VPS13D: variants seen among roughly 807,000 people sequenced by gnomAD.
VPS13D encodes the protein intermembrane lipid transfer protein VPS13D.
VPS13D carries 187 observed loss-of-function variants against 461.9 expected under a neutral mutation model. The observed-to-expected ratio is 0.40, with a 90% CI of 0.36 to 0.46. VPS13D has a LOEUF of 0.46. Among genes scored for constraint, VPS13D ranks in the 20% least tolerant of loss-of-function variants. The pLI is 0.60. For missense variants in VPS13D, 4,711 were observed against 5,364.9 expected (o/e 0.88, Z 3.81); for synonymous variants, 1,951 against 1,986.3 (o/e 0.98, Z 0.47).
rs1157134078 is a variant in VPS13D at position 12,293,630 on chromosome 1, G to T, written c.5959G>T (p.Val1987Leu). ...TACTCAGCGTTTCCAGGCAGAGGTG[G>T]TGGCCTTCATTCAGCATTTCACTCA... Reference protein sequence around the residue: ...VHTQRFQAEVVAFIQHFTQLQ... With the variant: ...VHTQRFQAEVLAFIQHFTQLQ... The change falls in exon 24 of 70, where the codon GTG becomes TTG. Residue 1987 changes from valine (V) to leucine (L), a missense_variant. This residue lies in a region of VPS13D where 4,411 missense variants were observed against 4,937.8 expected (regional missense o/e 0.89). Coordinates refer to ENST00000620676, the MANE Select transcript of VPS13D (RefSeq NM_015378.4). 5.0e-6 allele frequency: 8 copies of T among 1,614,194 alleles called. No homozygotes were observed. In the East Asian group the frequency reaches 1.8e-4, roughly 36 times the overall value.
chr1:12,379,154 G>A (rs1644239841), intron 56 of VPS13D, among the ~76,000 whole-genome samples: 1 of 152,184 alleles, frequency 6.6e-6, no homozygotes, highest in South Asian at 2.1e-4. Context: ...AAAAAAGACT[G>A]TTGGAAAGAT....
At position 12,323,693 on chromosome 1, in the gene VPS13D, A is replaced by G; in HGVS notation, c.7916-13A>G. 6.2e-7 allele frequency: 1 copy of G among 1,610,742 alleles called. No individual in the cohort carries two copies. The highest frequency in any genetic ancestry group is 8.5e-7 in the Non-Finnish European group (1 of 1,177,944). Reference sequence around the variant, plus strand: ...AAATTATTTATGAAAATTTTATGCTATTTGTTTCCTAGAGTTACAGCTGGC... The same window carrying G: ...AAATTATTTATGAAAATTTTATGCTGTTTGTTTCCTAGAGTTACAGCTGGC... On this transcript the variant is annotated splice_polypyrimidine_tract_variant and intron_variant, in intron 34 of 69. Transcript: ENST00000620676.
At chr1:12,238,375 C>T (rs1419556922) in intron 2 of VPS13D, among the ~76,000 whole-genome samples, 1 of 151,598 alleles carries the variant, frequency 6.6e-6, no homozygotes, top group East Asian at 1.9e-4. Context: ...GAGTTTGAGG[C>T]TGCAGTGAGC....
In VPS13D at chr1:12,278,075, T is replaced by C. The variant is rs771906879; in HGVS notation, c.4450+37T>C. 3.1e-5 allele frequency: 49 copies of C among 1,556,242 alleles called. No homozygotes were observed. In the Admixed American group the frequency reaches 4.0e-4, roughly 13 times the overall value. ...CAGTCTTTTGTTCTATTTTGTTTAA[T>C]GATTGAAAACCCAGCTCACGGAGTC... On this transcript the variant is annotated intron_variant, in intron 19 of 69. Transcript: ENST00000620676.
chr1:12,318,560 T>G (rs866031356), intron 31 of VPS13D, among the ~76,000 whole-genome samples: 2 of 152,200 alleles, frequency 1.3e-5, no homozygotes, highest in African/African-American at 4.8e-5. Context: ...GTCCCCTGCC[T>G]GCCTAGTGCT....
rs968530885 is a variant in VPS13D, at chr1:12,346,533, T to C, written c.9022-72T>C. 4.6e-6 allele frequency: 7 copies of C among 1,508,942 alleles called. No homozygotes were observed. In the African/African-American group the frequency reaches 9.8e-5, roughly 21 times the overall value. The allele number at this position is 1,508,942 out of a possible 1,614,324, so 93.5% of individuals were successfully genotyped here. Reference sequence around the variant, plus strand: ...AAACACGACCCTTTGAAGAAAATTATGTTGTCATTGAATTTAACGTTGCTA... The same window carrying C: ...AAACACGACCCTTTGAAGAAAATTACGTTGTCATTGAATTTAACGTTGCTA... On this transcript the variant is annotated intron_variant, in intron 43 of 69. Transcript: ENST00000620676.
chr1:12,334,766 A>G (rs1288075607), intron 38 of VPS13D, among the ~76,000 whole-genome samples: 2 of 152,214 alleles, frequency 1.3e-5, no homozygotes, highest in Non-Finnish European at 2.9e-5. Flanking sequence ...CCCTGTCTCT[A>G]AGAAACCAAC....
chr1:12,292,013 C>T (rs997711756), intron 23 of VPS13D, among the ~76,000 whole-genome samples: 1 of 152,200 alleles, frequency 6.6e-6, no homozygotes, highest in Admixed American at 6.5e-5. Flanking sequence ...AATCCCAGCA[C>T]TCTGGGAGGC....
At chr1:12,261,487 A>T (rs1243836512) in intron 12 of VPS13D, among the ~76,000 whole-genome samples, 1 of 152,258 alleles carries the variant, frequency 6.6e-6, no homozygotes, top group African/African-American at 2.4e-5. Flanking sequence ...CAAATGGCTA[A>T]CTAAAATTTA....
rs905415747 is a variant in VPS13D, at chr1:12,444,755, AT to A, written c.12334-11235del. Among the ~76,000 whole-genome samples, 7 of 151,966 alleles carry A rather than the reference AT, an allele frequency of 4.6e-5. No homozygotes were observed. In the East Asian group the frequency reaches 1.4e-3, roughly 29 times the overall value. On this transcript the variant is annotated intron_variant, in intron 65 of 69. Coordinates refer to ENST00000620676, the MANE Select transcript of VPS13D (RefSeq NM_015378.4). Reference sequence around the variant, plus strand: ...ATACTATACCAGTGATGAATCTTGTATTTTTTTTCTTAGTCTTCAGTCATTT... The same window carrying A: ...ATACTATACCAGTGATGAATCTTGTATTTTTTTCTTAGTCTTCAGTCATTT...
intron 46 of VPS13D, among the ~76,000 whole-genome samples, chr1:12,351,394 G>A (rs759818115): frequency 3.0e-4 from 46 of 152,066 alleles, no homozygotes; most frequent in Admixed American, 3.9e-4. Context: ...GGATTCAAGC[G>A]ATTCTCCTGC....
intron 60 of VPS13D, among the ~76,000 whole-genome samples, chr1:12,389,770 C>A (rs1644398994): frequency 6.6e-6 from 1 of 152,186 alleles, no homozygotes; most frequent in Non-Finnish European, 1.5e-5. Context: ...GGTGGAGTGA[C>A]CCAAACCTTC....
At chr1:12,345,894 C>T (rs1347887676) in intron 43 of VPS13D, among the ~76,000 whole-genome samples, 1 of 152,184 alleles carries the variant, frequency 6.6e-6, no homozygotes, top group East Asian at 1.9e-4. Flanking sequence ...TACTCTGTGT[C>T]TCCAAATCTT....
Position 12,385,257 on chromosome 1 carries a change from C to A in VPS13D, c.11371-3C>A, listed in dbSNP as rs752387026. 2.5e-6 allele frequency: 4 copies of A among 1,612,012 alleles called. No individual in the cohort carries two copies. The Admixed American group carries it at 6.7e-5, about 27-fold the overall frequency. ...CTTCTTGTGGTGTTTTATTTGACTTCAGATAACAGATTTCTGCCACCGGAA... is the reference window on the plus strand; with the variant it reads ...CTTCTTGTGGTGTTTTATTTGACTTAAGATAACAGATTTCTGCCACCGGAA... On this transcript the variant is annotated splice_region_variant and splice_polypyrimidine_tract_variant and intron_variant, in intron 58 of 69. Transcript: ENST00000620676.
chr1:12,378,577 A>G lies in VPS13D; in HGVS notation c.11067A>G (p.Ala3689=), dbSNP rs2101641943. ...SAILDIAGLA[A]VTDNRYEPLM... Reference sequence around the variant, plus strand: ...TCTTAGATATTGCTGGTCTCGCTGCAGTGACTGACAACAGGTAATTTTCTA... The same window carrying G: ...TCTTAGATATTGCTGGTCTCGCTGCGGTGACTGACAACAGGTAATTTTCTA... Residue 3689 remains alanine (A), a synonymous_variant, in exon 56 of 70, where the codon GCA becomes GCG. Coordinates refer to ENST00000620676, the MANE Select transcript of VPS13D (RefSeq NM_015378.4). 1 of 1,581,706 alleles carries G rather than the reference A, an allele frequency of 6.3e-7. No homozygotes were observed. Among genetic ancestry groups the G allele is most frequent in the East Asian group, 2.3e-5 (1 of 42,906 alleles).
rs115149566 is a variant in VPS13D, at chr1:12,418,586, A to G, written c.12333+1759A>G. On this transcript the variant is annotated intron_variant, in intron 65 of 69. Transcript: ENST00000620676. Reference sequence around the variant, plus strand: ...AAATGAAGATGCTTATGATTTAACAATAGGACTTCCTCACTGTGGAATAGA... The same window carrying G: ...AAATGAAGATGCTTATGATTTAACAGTAGGACTTCCTCACTGTGGAATAGA... 6.7e-3 allele frequency among the ~76,000 whole-genome samples: 1,027 copies of G among 152,348 alleles called. 7 individuals are homozygous for G. Among genetic ancestry groups the G allele is most frequent in the Admixed American group, 0.011 (163 of 15,302 alleles).
At chr1:12,234,605 G>A (rs559341101) in intron 2 of VPS13D, among the ~76,000 whole-genome samples, 1 of 152,276 alleles carries the variant, frequency 6.6e-6, no homozygotes, top group Non-Finnish European at 1.5e-5. Flanking sequence ...TACACTACTG[G>A]TGACTGTGCT....
intron 65 of VPS13D, among the ~76,000 whole-genome samples, chr1:12,426,757 C>G (rs1644928648): frequency 6.6e-6 from 1 of 152,130 alleles, no homozygotes; most frequent in African/African-American, 2.4e-5. Flanking sequence ...TGGTTCACAC[C>G]TGCAATCCCA....
chr1:12,310,605 A>G (rs1642708553), intron 27 of VPS13D, among the ~76,000 whole-genome samples: 1 of 152,158 alleles, frequency 6.6e-6, no homozygotes, highest in Non-Finnish European at 1.5e-5. Context: ...GTTTGCCTTT[A>G]GTTACCACTA....
Sources: gnomAD v4.1 joint callset for allele counts (sites outside exome capture counted in the v4.1 genomes callset) on GRCh38, gnomAD v4.1.1 for gene constraint, gnomAD v4.1.1 regional missense constraint, MANE v1.5 for transcripts, NCBI Gene and HGNC (gene_info 2026-07-23, HGNC 2026-07-21) for gene names.